Variants in MAP2K4 observed in about 807,000 individuals in gnomAD.
MAP2K4 encodes dual specificity mitogen-activated protein kinase kinase 4.
Under a neutral mutation model 48.5 loss-of-function variants are expected in MAP2K4, and 4 were observed. The ratio of observed to expected loss-of-function variants is 0.08; its 90% CI spans 0.04 to 0.19. The LOEUF (loss-of-function observed/expected upper bound fraction) is 0.19. Ranked by LOEUF, MAP2K4 falls within the 10% of genes least tolerant of loss-of-function variation. The pLI is 1.00. For synonymous variants in MAP2K4, 166 were observed against 173.1 expected (o/e 0.96, Z 0.32); for missense variants, 258 against 493.3 (o/e 0.52, Z 4.52).
At chr17:12,120,541 C>CT (rs557448261) in intron 7 of MAP2K4, among the ~76,000 whole-genome samples, 2 of 141,442 alleles carry the variant, frequency 1.4e-5, no homozygotes, top group South Asian at 2.6e-4. Context: ...CATTCCCCCC[C>CT]CCATAAAAAA....
At chr17:12,029,952 T>A (rs1460046785) in intron 1 of MAP2K4, among the ~76,000 whole-genome samples, 1 of 151,940 alleles carries the variant, frequency 6.6e-6, no homozygotes, top group Non-Finnish European at 1.5e-5. Context: ...ATTGAACATA[T>A]GTGAGTGAAT....
intron 1 of MAP2K4, among the ~76,000 whole-genome samples, chr17:12,024,303 A>G (rs1045726930): frequency 6.6e-6 from 1 of 152,210 alleles, no homozygotes; most frequent in African/African-American, 2.4e-5. Flanking sequence ...TTTGATTATA[A>G]GAGTAATCAA....
intron 5 of MAP2K4, among the ~76,000 whole-genome samples, chr17:12,109,736 T>C (rs1253627274): frequency 6.6e-6 from 1 of 152,220 alleles, no homozygotes; most frequent in African/African-American, 2.4e-5. Flanking sequence ...TTTTATTTAC[T>C]ACTGGACTTA....
At chr17:12,068,758 A>G (rs897453455) in intron 2 of MAP2K4, among the ~76,000 whole-genome samples, 1 of 149,244 alleles carries the variant, frequency 6.7e-6, no homozygotes, top group Non-Finnish European at 1.5e-5. Context: ...TATATTATAT[A>G]TATATATAGC....
intron 2 of MAP2K4, among the ~76,000 whole-genome samples, chr17:12,067,123 A>G (rs532306467): frequency 6.6e-6 from 1 of 152,312 alleles, no homozygotes; most frequent in South Asian, 2.1e-4. Flanking sequence ...TGCCCCACCC[A>G]CATACCTATT....
chr17:12,138,442 A>G (rs1406290937), intron 9 of MAP2K4, among the ~76,000 whole-genome samples: 1 of 152,142 alleles, frequency 6.6e-6, no homozygotes, highest in Admixed American at 6.6e-5. Flanking sequence ...CATAAGGAAG[A>G]GAAAATATAT....
chr17:12,054,989 CAT>C lies in MAP2K4; in HGVS notation c.217_218del (p.Ile73ArgfsTer9). ...PNPTGVQNPH[I>X]ERLRTHSIES... The stretch of plus-strand genomic sequence containing the variant: ...ATCCTACAGGAGTTCAAAACCCACA[CAT>C]GTGAGTATTCTTGGTAATCAAAGGC... On this transcript the variant is annotated frameshift_variant and splice_region_variant, in exon 2 of 11. Coordinates refer to ENST00000353533, the MANE Select transcript of MAP2K4 (RefSeq NM_003010.4). LOFTEE classifies it high-confidence loss of function. The C allele has an allele frequency of 6.3e-7, 1 of 1,590,948 alleles. No homozygotes were observed. Among genetic ancestry groups the C allele is most frequent in the Non-Finnish European group, 8.6e-7 (1 of 1,160,332 alleles).
In MAP2K4 at chr17:12,120,920, G is replaced by A. The variant is rs1032868325; in HGVS notation, c.814-4374G>A. Among the ~76,000 whole-genome samples, 5 of 152,212 alleles carry A rather than the reference G, an allele frequency of 3.3e-5. No homozygotes were observed. In the East Asian group the frequency reaches 7.7e-4, roughly 23 times the overall value. ...TAACAGTTGATGCAGGTATTCTGGC[G>A]ATGCTACTGTGCTGCTTAGTTCCCC... On this transcript the variant is annotated intron_variant, in intron 7 of 10. Transcript: ENST00000353533.
intron 1 of MAP2K4, among the ~76,000 whole-genome samples, chr17:12,034,346 G>A (rs747246362): frequency 6.6e-6 from 1 of 152,198 alleles, no homozygotes; most frequent in Non-Finnish European, 1.5e-5. Flanking sequence ...CTGGGACAGC[G>A]GAACCTGTTA....
At chr17:12,033,131 C>T (rs1029954071) in intron 1 of MAP2K4, among the ~76,000 whole-genome samples, 6 of 150,810 alleles carry the variant, frequency 4.0e-5, no homozygotes, top group African/African-American at 1.2e-4. Flanking sequence ...CGACTGTACC[C>T]GGCCAAAAAA....
intron 1 of MAP2K4, among the ~76,000 whole-genome samples, chr17:12,027,375 A>G (rs1969286061): frequency 6.6e-6 from 1 of 152,160 alleles, no homozygotes; most frequent in Non-Finnish European, 1.5e-5. Context: ...TAAAATGGAC[A>G]TCACAGCAGC....
At chr17:12,092,532 A>G (rs994414675) in intron 3 of MAP2K4, among the ~76,000 whole-genome samples, 4 of 152,190 alleles carry the variant, frequency 2.6e-5, no homozygotes, top group African/African-American at 9.6e-5. Flanking sequence ...AGTATTCTCT[A>G]ATTTGAATTG....
chr17:12,035,669 CTT>C (rs1302831700), intron 1 of MAP2K4, among the ~76,000 whole-genome samples: 4 of 152,146 alleles, frequency 2.6e-5, no homozygotes, highest in African/African-American at 4.8e-5. Flanking sequence ...ATCAGATAAA[CTT>C]ATGTTTAATT....
intron 9 of MAP2K4, among the ~76,000 whole-genome samples, chr17:12,135,207 GCCTCCAGAGTAGC>G (rs1458701174): frequency 6.6e-6 from 1 of 152,108 alleles, no homozygotes; most frequent in African/African-American, 2.4e-5. Flanking sequence ...TCCTGCCTCA[GCCTCCAGAGTAGC>G]TGGATTACAG....
intron 1 of MAP2K4, among the ~76,000 whole-genome samples, chr17:12,053,125 TA>T (rs1274358179): frequency 6.6e-6 from 1 of 152,118 alleles, no homozygotes; most frequent in Non-Finnish European, 1.5e-5. Context: ...CCTCTATCTT[TA>T]AATATTTTCT....
Position 12,083,342 on chromosome 17 carries a change from A to G in MAP2K4, c.393+1812A>G, listed in dbSNP as rs183310266. On this transcript the variant is annotated intron_variant, in intron 3 of 10. Transcript: ENST00000353533. The stretch of plus-strand genomic sequence containing the variant: ...TGAAAATAGGAAATTGTTGTCCATC[A>G]TTTGTAATGTTACATTATCAGTGGC... 1.4e-3 allele frequency among the ~76,000 whole-genome samples: 211 copies of G among 152,324 alleles called. 1 individual carries two copies. The highest frequency in any genetic ancestry group is 4.9e-3 in the African/African-American group (202 of 41,574).
At chr17:12,057,871 A>G (rs988610713) in intron 2 of MAP2K4, among the ~76,000 whole-genome samples, 17 of 152,164 alleles carry the variant, frequency 1.1e-4, no homozygotes, top group African/African-American at 3.9e-4. Context: ...AGGGAATTTA[A>G]AAATTCTTTT....
At chr17:12,137,741 T>C (rs1294168243) in intron 9 of MAP2K4, among the ~76,000 whole-genome samples, 1 of 152,174 alleles carries the variant, frequency 6.6e-6, no homozygotes, top group Non-Finnish European at 1.5e-5. Flanking sequence ...AGTATAGGTT[T>C]TCAGATTGAA....
At chr17:12,126,465 T>TC (rs1294671127) in intron 8 of MAP2K4, among the ~76,000 whole-genome samples, 2 of 152,192 alleles carry the variant, frequency 1.3e-5, no homozygotes, top group Non-Finnish European at 2.9e-5. Context: ...AAGTCCAAGA[T>TC]CAAGGCACTG....
Sources: allele counts gnomAD v4.1 joint callset (sites outside exome capture counted in the v4.1 genomes callset), GRCh38; gene constraint gnomAD v4.1.1; transcripts MANE v1.5; gene names NCBI Gene and HGNC (gene_info 2026-07-23, HGNC 2026-07-21).